ZBED6: variants seen among roughly 807,000 people sequenced by gnomAD.
ZBED6 encodes zinc finger BED-type containing 6, also known as zinc finger BED domain-containing protein 6.
Under a neutral mutation model 58.4 loss-of-function variants are expected in ZBED6, and 40 were observed. The observed-to-expected ratio is 0.68, with a 90% CI of 0.53 to 0.89. The LOEUF is 0.89. Ranked by LOEUF, ZBED6 falls within the 40% of genes least tolerant of loss-of-function variation. ZBED6 has a pLI of 0.00. For missense variants in ZBED6, 1,057 were observed against 1,003.9 expected, an observed-to-expected ratio of 1.05 and a Z score of -0.71; for synonymous variants, 439 against 350.6, an observed-to-expected ratio of 1.25 and a Z score of -2.82.
chr1:203,852,699 C>T lies in ZBED6; in HGVS notation c.*5432C>T, dbSNP rs367949787. The T allele has an allele frequency of 1.5e-3, 594 of 394,886 alleles. 1 individual carries two copies. The highest frequency in any genetic ancestry group is 2.1e-3 in the Non-Finnish European group (463 of 216,342). The allele number at this position is 394,886 out of a possible 1,614,324, so 24.5% of individuals were successfully genotyped here. ...GGGAGATCAAGTGAAAGGGTGCAAG[C>T]GAACTTAGTGACTCCTTGAGGTGTT... On this transcript the variant is annotated 3_prime_UTR_variant, in exon 17 of 17. Transcript: ENST00000550078.
chr1:203,817,112 C>T, exon 2 of ZBED6: 1 of 1,607,210 alleles, frequency 6.2e-7, no homozygotes, highest in Non-Finnish European at 8.5e-7. Flanking sequence ...TTTTCTATTC[C>T]ACATGTACCA....
exon 1 of ZBED6, chr1:203,798,048 C>T: frequency 6.5e-7 from 1 of 1,535,432 alleles, no homozygotes; most frequent in Non-Finnish European, 8.7e-7. Context: ...TCAACGACAT[C>T]TGCAAGCAAG....
intron 12 of ZBED6, 147 bp downstream of exon 12, chr1:203,847,834 T>C (rs1688299163): frequency 1.7e-6 from 2 of 1,190,590 alleles, no homozygotes; most frequent in Non-Finnish European, 2.3e-6. Flanking sequence ...TTTTCAGTAG[T>C]GCTATGTAGA....
At chr1:203,796,200 G>A in exon 1 of ZBED6, 2 of 384,604 alleles carry the variant, frequency 5.2e-6, no homozygotes, top group Non-Finnish European at 9.2e-6. Context: ...TTTCTTCGGG[G>A]CAACAGTTTC....
At chr1:203,840,402 AT>A (rs747792387) in intron 11 of ZBED6, 28 bp downstream of exon 11, 1 of 1,598,828 alleles carries the variant, frequency 6.3e-7, no homozygotes, top group African/African-American at 1.3e-5. Context: ...CCAGATTCTG[AT>A]TATTTTTTTC....
rs920166536 is a variant in ZBED6, at chr1:203,848,427, A to T, written c.*4322+20A>T. 1 of 1,590,164 alleles carries T rather than the reference A, an allele frequency of 6.3e-7. No homozygotes were observed. Among genetic ancestry groups the T allele is most frequent in the African/African-American group, 1.4e-5 (1 of 73,988 alleles). On this transcript the variant is annotated intron_variant, in intron 13 of 16. Transcript: ENST00000550078. Reference sequence around the variant, plus strand: ...AAAGAGGTAAATTTAAGATTATTGTATGGTTTTGTTCATGGCAAACAAAGG... The same window carrying T: ...AAAGAGGTAAATTTAAGATTATTGTTTGGTTTTGTTCATGGCAAACAAAGG...
At position 203,843,431 on chromosome 1, in the gene ZBED6, A is replaced by G. The variant is rs1687027997; in HGVS notation, c.*3741+3057A>G. 2.0e-5 allele frequency among the ~76,000 whole-genome samples: 3 copies of G among 152,126 alleles called. No homozygotes were observed. The South Asian group carries it at 6.2e-4, about 31-fold the overall frequency. On this transcript the variant is annotated intron_variant, in intron 11 of 16. Transcript: ENST00000550078. ...TTGGAACTTTGGGACATATGCCTGC[A>G]TGTCTCTGTATACTTTTTGTTTCTT... is the stretch of plus-strand genomic sequence containing the variant.
chr1:203,799,062 G>T, exon 1 of ZBED6: 19 of 1,536,084 alleles, frequency 1.2e-5, no homozygotes, highest in Non-Finnish European at 1.6e-5. Context: ...TCTCAATAAT[G>T]GCAGGATCCC....
At chr1:203,810,435 T>C (rs193078659) in intron 1 of ZBED6, among the ~76,000 whole-genome samples, 1 of 151,582 alleles carries the variant, frequency 6.6e-6, no homozygotes, top group South Asian at 2.1e-4. Context: ...TTTTTTTTTT[T>C]TTGAGACAGA....
rs1394146836 is a variant in ZBED6, at chr1:203,850,329, A to T, written c.*4639-186A>T. 3.7e-6 allele frequency: 3 copies of T among 817,066 alleles called. No homozygotes were observed. The East Asian group carries it at 7.7e-5, about 21-fold the overall frequency. The allele number at this position is 817,066 out of a possible 1,614,324, so 50.6% of individuals were successfully genotyped here. Reference sequence around the variant, plus strand: ...CAAATTTAAGTGGTATTGTATCTACATGGTGACCACCTGTAGTGACCACCA... The same window carrying T: ...CAAATTTAAGTGGTATTGTATCTACTTGGTGACCACCTGTAGTGACCACCA... On this transcript the variant is annotated intron_variant, in intron 14 of 16. Coordinates refer to ENST00000550078, the Ensembl canonical transcript of ZBED6.
intron 1 of ZBED6, among the ~76,000 whole-genome samples, chr1:203,811,345 CAA>C (rs1674440450): frequency 6.6e-6 from 1 of 152,028 alleles, no homozygotes; most frequent in African/African-American, 2.4e-5. Context: ...AATTAGTTGC[CAA>C]AAAATTGTAA....
chr1:203,835,544 A>C (rs1039697066), intron 9 of ZBED6: 1 of 165,116 alleles, frequency 6.1e-6, no homozygotes, highest in African/African-American at 2.4e-5. Flanking sequence ...TTTATTTACA[A>C]TAGCGCAAAT....
intron 3 of ZBED6, among the ~76,000 whole-genome samples, chr1:203,827,284 A>T (rs1680827785): frequency 6.6e-6 from 1 of 151,982 alleles, no homozygotes; most frequent in African/African-American, 2.4e-5. Context: ...GAACTAATGT[A>T]TATATTTTTC....
At chr1:203,815,989 T>G (rs1339549510) in intron 1 of ZBED6, among the ~76,000 whole-genome samples, 1 of 152,242 alleles carries the variant, frequency 6.6e-6, no homozygotes, top group African/African-American at 2.4e-5. Context: ...CCCCAAAGAC[T>G]ACTTTTGCGT....
chr1:203,847,041 A>G, intron 11 of ZBED6, 143 bp from the exon 12 acceptor site: 1 of 909,618 alleles, frequency 1.1e-6, no homozygotes, highest in Non-Finnish European at 1.7e-6. Context: ...GAAAAGAAAT[A>G]AATGTTACCC....
At chr1:203,843,531 A>G (rs1572327990) in intron 11 of ZBED6, among the ~76,000 whole-genome samples, 1 of 152,164 alleles carries the variant, frequency 6.6e-6, no homozygotes, top group South Asian at 2.1e-4. Flanking sequence ...TTTTTCCTGT[A>G]AAGGGTCGGA....
intron 11 of ZBED6, among the ~76,000 whole-genome samples, chr1:203,846,786 C>T (rs1688014329): frequency 6.6e-6 from 1 of 152,094 alleles, no homozygotes; most frequent in African/African-American, 2.4e-5. Context: ...TCAATTTTTG[C>T]CTCCAAAGAG....
At chr1:203,843,702 A>G (rs554241669) in intron 11 of ZBED6, among the ~76,000 whole-genome samples, 1 of 152,316 alleles carries the variant, frequency 6.6e-6, no homozygotes, top group African/African-American at 2.4e-5. Flanking sequence ...TATGGGCTAT[A>G]TATAGTTTGC....
rs144499011 is a variant in ZBED6 at position 203,845,171 on chromosome 1, T to C, written c.*3742-2013T>C. Among the ~76,000 whole-genome samples the C allele has an allele frequency of 2.0e-5, 3 of 152,366 alleles. No individual in the cohort carries two copies. In the East Asian group the frequency reaches 5.8e-4, roughly 29 times the overall value. The stretch of plus-strand genomic sequence containing the variant: ...AAATTCAGACATCTGCTTTCTGTTT[T>C]AGAAATTCTTCAAGATGTATGCTCT... On this transcript the variant is annotated intron_variant, in intron 11 of 16. Transcript: ENST00000550078.
Sources: allele counts gnomAD v4.1 joint callset (sites outside exome capture counted in the v4.1 genomes callset), GRCh38; gene constraint gnomAD v4.1.1; transcripts MANE v1.5; gene names NCBI Gene and HGNC (gene_info 2026-07-23, HGNC 2026-07-21).